The following POLI variants were observed in gnomAD, a reference collection of about 807,000 sequenced individuals.
POLI encodes RAD30 homolog B.
A neutral mutation model predicts 51.6 loss-of-function variants in POLI; 58 were observed. The observed-to-expected ratio is 1.12, with a 90% CI of 0.91 to 1.40. POLI has a LOEUF of 1.40. POLI is among the 40% of genes most tolerant of loss of function. POLI has a pLI of 0.00. For synonymous variants in POLI, 322 were observed against 299.7 expected (o/e 1.07, Z -0.77); for missense variants, 921 against 871.3 (o/e 1.06, Z -0.72).
chr18:54,300,803 T>C (rs577690301), downstream of POLI, among the ~76,000 whole-genome samples: 1 of 152,320 alleles, frequency 6.6e-6, no homozygotes, highest in South Asian at 2.1e-4. Context: ...AAGAAAGATG[T>C]AATAGCTTTC....
chr18:54,283,945 TAA>T lies in POLI; in HGVS notation c.1004_1005del (p.Lys335MetfsTer4). ...AGTCCTTTAGTGAAGAAGATTCATTTAAAAAATGTTCATCTGAAGTTGAAGCT... is the reference window on the plus strand; with the variant it reads ...AGTCCTTTAGTGAAGAAGATTCATTTAAAATGTTCATCTGAAGTTGAAGCT... ...PQSFSEEDSF[K>X]KCSSEVEAKN... On this transcript the variant is annotated frameshift_variant, in exon 7 of 10. Coordinates refer to ENST00000579534, the MANE Select transcript of POLI (RefSeq NM_007195.3). LOFTEE classifies it high-confidence loss of function. 1 of 1,406,212 alleles carries T rather than the reference TAA, an allele frequency of 7.1e-7. No homozygotes were observed. The highest frequency in any genetic ancestry group is 1.0e-6 in the Non-Finnish European group (1 of 1,000,654). The allele number at this position is 1,406,212 out of a possible 1,614,324, so 87.1% of individuals were successfully genotyped here.
intron 3 of POLI, among the ~76,000 whole-genome samples, chr18:54,319,678 A>G (rs186391658): frequency 6.6e-6 from 1 of 152,288 alleles, no homozygotes; most frequent in African/African-American, 2.4e-5. Flanking sequence ...ACCTTCTGCA[A>G]TACCTAGCTA....
exon 5 of POLI, chr18:54,321,106 TATC>T: frequency 6.6e-6 from 1 of 152,232 alleles, no homozygotes; most frequent in Non-Finnish European, 1.5e-5. Flanking sequence ...AGAACAGGTT[TATC>T]ACAAGGATCC....
At chr18:54,280,395 T>C (rs1421204414) in intron 4 of POLI, among the ~76,000 whole-genome samples, 1 of 152,088 alleles carries the variant, frequency 6.6e-6, no homozygotes, top group African/African-American at 2.4e-5. Context: ...GTCAGAAACT[T>C]ACCCCTGAGG....
rs375715736 is a variant in POLI at position 54,289,171 on chromosome 18, T to C, written c.1198+1760T>C. Among the ~76,000 whole-genome samples, 44 of 151,900 alleles carry C rather than the reference T, an allele frequency of 2.9e-4. 2 individuals carry two copies. The South Asian group carries it at 3.9e-3, about 14-fold the overall frequency. ...TGCAGAATTTACCTCCCCTGTGCTGTGTAGCCACTGATTTCTCTGCTCAAG... is the reference window on the plus strand; with the variant it reads ...TGCAGAATTTACCTCCCCTGTGCTGCGTAGCCACTGATTTCTCTGCTCAAG... On this transcript the variant is annotated intron_variant, in intron 8 of 9. Coordinates refer to ENST00000579534, the MANE Select transcript of POLI (RefSeq NM_007195.3).
intron 3 of POLI, among the ~76,000 whole-genome samples, chr18:54,306,770 C>T (rs2088593061): frequency 6.6e-6 from 1 of 152,148 alleles, no homozygotes; most frequent in Admixed American, 6.5e-5. Context: ...TTGGTCTATT[C>T]AGCAATTCAA....
At chr18:54,303,616 A>G (rs560572053) in intron 3 of POLI, among the ~76,000 whole-genome samples, 2 of 151,956 alleles carry the variant, frequency 1.3e-5, no homozygotes, top group Admixed American at 1.3e-4. Flanking sequence ...AGGATGTGTC[A>G]CTCCAGGAAA....
intron 8 of POLI, among the ~76,000 whole-genome samples, chr18:54,289,405 A>G (rs954313266): frequency 1.3e-5 from 2 of 152,084 alleles, no homozygotes; most frequent in African/African-American, 2.4e-5. Context: ...ATACTGCCCA[A>G]AGTAATTTAT....
intron 3 of POLI, among the ~76,000 whole-genome samples, chr18:54,317,513 T>A (rs948567363): frequency 6.6e-6 from 1 of 152,174 alleles, no homozygotes; most frequent in African/African-American, 2.4e-5. Context: ...TTCTGACGAA[T>A]TGAGTCCCAA....
chr18:54,312,410 C>T (rs925150286), intron 3 of POLI, among the ~76,000 whole-genome samples: 3 of 151,962 alleles, frequency 2.0e-5, no homozygotes, highest in Non-Finnish European at 4.4e-5. Flanking sequence ...TTGTGAATAG[C>T]GCTGCAGTGA....
At position 54,269,571 on chromosome 18, in the gene POLI, G is replaced by C. The variant is rs376730732; in HGVS notation, c.25G>C (p.Glu9Gln). 1 of 1,461,114 alleles carries C rather than the reference G, an allele frequency of 6.8e-7. No individual in the cohort carries two copies. Among genetic ancestry groups the C allele is most frequent in the Non-Finnish European group, 8.9e-7 (1 of 1,118,132 alleles). The allele number at this position is 1,461,114 out of a possible 1,614,324, so 90.5% of individuals were successfully genotyped here. A position where few individuals can be genotyped will look rare whatever the true frequency, so the allele number is the denominator to read the frequency against. ...GATGGAGAAGCTGGGGGTGGAGCCG[G>C]AGGAGGAAGGCGGCGGCGACGACGA... MEKLGVEPEEEGGGDDDEE... is the reference protein window; with the variant it reads MEKLGVEPQEEGGGDDDEE... The change falls in exon 1 of 10, where the codon GAG (glutamate) becomes CAG (glutamine). Residue 9 changes from glutamate (E) to glutamine (Q), a missense_variant. Glu to Gln is a conservative substitution (Grantham distance 29). Coordinates refer to ENST00000579534, the MANE Select transcript of POLI (RefSeq NM_007195.3).
At chr18:54,318,047 T>C (rs187690611) in intron 3 of POLI, among the ~76,000 whole-genome samples, 15 of 152,302 alleles carry the variant, frequency 9.8e-5, no homozygotes, top group African/African-American at 3.4e-4. Context: ...CTGGGTGTTT[T>C]ATAATATTGA....
At position 54,291,944 on chromosome 18, in the gene POLI, A is replaced by G; in HGVS notation, c.1310A>G (p.Asn437Ser). The G allele has an allele frequency of 6.2e-7, 1 of 1,608,620 alleles. No individual in the cohort carries two copies. ...HLTLLSVCFC[N>S]LKALNTAKKG... ...ACCCTTCTAAGTGTGTGCTTCTGCA[A>G]CCTTAAAGCACTAAATACTGCTAAG... The change falls in exon 9 of 10, where the codon AAC becomes AGC. Residue 437 changes from asparagine (N) to serine (S), a missense_variant. Asn to Ser is a conservative substitution (Grantham distance 46, BLOSUM62 1). Transcript: ENST00000579534.
At position 54,294,674 on chromosome 18, in the gene POLI, T is replaced by C. The variant is rs2088216019; in HGVS notation, c.*207T>C. 8.3e-7 allele frequency: 1 copy of C among 1,200,574 alleles called. No homozygotes were observed. Among genetic ancestry groups the C allele is most frequent in the African/African-American group, 1.6e-5 (1 of 63,512 alleles). 74.4% of individuals were successfully genotyped at this position (1,200,574 alleles called of 1,614,324 possible). On this transcript the variant is annotated 3_prime_UTR_variant, in exon 10 of 10. Transcript: ENST00000579534. ...AAATAATGTAAAATACTATCTTTTA[T>C]GTCTAAAGCCATTTTATATTACTTT...
At position 54,297,382 on chromosome 18, in the gene POLI, G is replaced by T. The variant is rs2044700724; in HGVS notation, c.*2915G>T. On this transcript the variant is annotated 3_prime_UTR_variant, in exon 10 of 10. Coordinates refer to ENST00000579534, the MANE Select transcript of POLI (RefSeq NM_007195.3). ...TCTCTTGAGTGTATAGTGTAGAGGG[G>T]GTTTCTGTCTTGAGTGTAGGCCTGG... is the stretch of plus-strand genomic sequence containing the variant. 1.0e-6 allele frequency: 1 copy of T among 983,426 alleles called. No homozygotes were observed. The highest frequency in any genetic ancestry group is 1.2e-6 in the Non-Finnish European group (1 of 828,530). The allele number at this position is 983,426 out of a possible 1,614,324, so 60.9% of individuals were successfully genotyped here.
intron 8 of POLI, chr18:54,291,598 G>A (rs973539644): frequency 3.6e-6 from 1 of 274,446 alleles, no homozygotes; most frequent in East Asian, 6.8e-5. Flanking sequence ...TTTTATAGTA[G>A]CTTTTTGAGA....
rs781161881 is a variant in POLI, at chr18:54,294,385, A to G, written c.2141A>G (p.Tyr714Cys). The change falls in exon 10 of 10, where the codon TAT becomes TGT. Residue 714 changes from tyrosine to cysteine, a missense_variant. Transcript: ENST00000579534. The part of the protein sequence containing the change: ...FPSDIDPQVF[Y>C]ELPEAVQKEL... ...TCTGACATTGATCCTCAAGTTTTCT[A>G]TGAACTACCAGAAGCAGTACAAAAG... The G allele has an allele frequency of 1.6e-5, 26 of 1,613,470 alleles. No individual in the cohort carries two copies. The highest frequency in any genetic ancestry group is 8.9e-5 in the East Asian group (4 of 44,870).
chr18:54,283,499 T>TTTCC (rs893436551), intron 6 of POLI, among the ~76,000 whole-genome samples: 118 of 152,226 alleles, frequency 7.8e-4, no homozygotes, highest in African/African-American at 2.7e-3. Flanking sequence ...ACTTCTCTTC[T>TTTCC]TTCCTTCCTT....
chr18:54,294,192 A>C lies in POLI; in HGVS notation c.1948A>C (p.Asn650His). Reference sequence around the variant, plus strand: ...TCAAGGATTCCACTTTACAAATTCAAACCCTGCTGTGTCTGCTTTTCATTC... The same window carrying C: ...TCAAGGATTCCACTTTACAAATTCACACCCTGCTGTGTCTGCTTTTCATTC... Reference protein sequence around the residue: ...EPQGFHFTNSNPAVSAFHSFP... With the variant: ...EPQGFHFTNSHPAVSAFHSFP... Residue 650 changes from asparagine (N) to histidine (H), a missense_variant, in exon 10 of 10, where the codon AAC (asparagine) becomes CAC (histidine). By Grantham distance (68) the Asn-to-His change is moderately conservative (BLOSUM62 1). Coordinates refer to ENST00000579534, the MANE Select transcript of POLI (RefSeq NM_007195.3). The C allele has an allele frequency of 6.2e-7, 1 of 1,613,428 alleles. No homozygotes were observed. Among genetic ancestry groups the C allele is most frequent in the Non-Finnish European group, 8.5e-7 (1 of 1,179,522 alleles).
Sources: allele counts gnomAD v4.1 joint callset (sites outside exome capture counted in the v4.1 genomes callset), GRCh38; gene constraint gnomAD v4.1.1; transcripts MANE v1.5; gene names NCBI Gene and HGNC (gene_info 2026-07-23, HGNC 2026-07-21).